Variants in TESMIN observed in about 807,000 individuals in gnomAD.
The protein encoded by TESMIN is testis expressed metallothionein like protein.
Under a neutral mutation model 47.4 loss-of-function variants are expected in TESMIN, and 34 were observed. The ratio of observed to expected loss-of-function variants is 0.72; its 90% confidence interval spans 0.55 to 0.96. The LOEUF is 0.96. TESMIN is among the 40% of genes least tolerant of loss of function. TESMIN has a pLI of 0.00. For synonymous variants in TESMIN, 278 were observed against 258.9 expected (o/e 1.07, Z -0.71); for missense variants, 610 against 637.2 (o/e 0.96, Z 0.46).
chr11:68,744,754 G>A, intron 4 of TESMIN: 1 of 311,758 alleles, frequency 3.2e-6, no homozygotes, highest in South Asian at 7.4e-5. Context: ...AAAGCTCTCA[G>A]CAGCTAGGTG....
intron 2 of TESMIN, 53 bp from the exon 3 acceptor site, chr11:68,747,419 G>A (rs1281040864): frequency 6.8e-7 from 1 of 1,474,608 alleles, no homozygotes; most frequent in East Asian, 2.3e-5. Context: ...ACTGGCTCTT[G>A]CAGTTGCATA....
downstream of TESMIN, among the ~76,000 whole-genome samples, chr11:68,706,227 G>A (rs1242061427): frequency 1.3e-5 from 2 of 152,154 alleles, no homozygotes; most frequent in South Asian, 2.1e-4. Context: ...CTGTATCTCG[G>A]CTTTCACTTC....
chr11:68,750,681 G>C lies in TESMIN; in HGVS notation c.-21C>G. The stretch of plus-strand genomic sequence containing the variant: ...TCCATGGCGCAGGGCGGCGGGGCGG[G>C]ATGGCGGGGGCCGCGCACCTGCAAC... On this transcript the variant is annotated 5_prime_UTR_variant, in exon 2 of 10. In the 5' UTR this introduces an upstream ATG that the reference lacks. Transcript: ENST00000255087. 6.8e-7 allele frequency: 1 copy of C among 1,465,150 alleles called. No individual in the cohort carries two copies. The allele number at this position is 1,465,150 out of a possible 1,614,324, so 90.8% of individuals were successfully genotyped here.
Position 68,745,011 on chromosome 11 carries a change from T to A in TESMIN, c.731A>T (p.Gln244Leu), listed in dbSNP as rs1946500654. 6.4e-7 allele frequency: 1 copy of A among 1,573,212 alleles called. No individual in the cohort carries two copies. The highest frequency in any genetic ancestry group is 1.2e-5 in the South Asian group (1 of 82,972). ...ALHLVPQYQD[Q>L]NNYLQSDVPK... ...TGTACCTGACTGTAGATAATTATTT[T>A]GATCTTGATACTGAGGAACCAAATG... The change falls in exon 4 of 10, where the codon CAA becomes CTA. Residue 244 changes from glutamine to leucine, a missense_variant. Coordinates refer to ENST00000255087, the MANE Select transcript of TESMIN (RefSeq NM_004923.3).
chr11:68,724,367 T>C (rs765375773), intron 6 of TESMIN, among the ~76,000 whole-genome samples: 4 of 152,166 alleles, frequency 2.6e-5, no homozygotes, highest in Non-Finnish European at 5.9e-5. Flanking sequence ...CTTAGGAAAC[T>C]AGGAATAGAA....
chr11:68,749,819 G>A (rs904588536), intron 2 of TESMIN, among the ~76,000 whole-genome samples: 1 of 152,130 alleles, frequency 6.6e-6, no homozygotes, highest in Non-Finnish European at 1.5e-5. Context: ...TGTTTTCACA[G>A]ACAATAGTTA....
chr11:68,744,964 A>C (rs2153993057), intron 4 of TESMIN, 27 bp downstream of exon 4: 1 of 1,496,788 alleles, frequency 6.7e-7, no homozygotes, highest in Non-Finnish European at 9.0e-7. Flanking sequence ...TATATGACAT[A>C]GTTTTTTTTA....
At chr11:68,709,075 A>G (rs28661353) in intron 9 of TESMIN, among the ~76,000 whole-genome samples, 1 of 92,614 alleles carries the variant, frequency 1.1e-5, no homozygotes. Flanking sequence ...AAAAAAAAAA[A>G]AAAGAAAGAA....
At chr11:68,745,788 G>C (rs539102874) in intron 3 of TESMIN, among the ~76,000 whole-genome samples, 2 of 152,182 alleles carry the variant, frequency 1.3e-5, no homozygotes, top group Non-Finnish European at 2.9e-5. Context: ...ATAAATAAAT[G>C]GTCGCAAGCC....
intron 4 of TESMIN, among the ~76,000 whole-genome samples, chr11:68,742,867 TC>T (rs1946473800): frequency 6.6e-6 from 1 of 151,918 alleles, no homozygotes; most frequent in African/African-American, 2.4e-5. Context: ...TTTTATGTTT[TC>T]TTTTTTTTTT....
At chr11:68,731,705 T>C (rs1442612849) in intron 6 of TESMIN, among the ~76,000 whole-genome samples, 1 of 152,248 alleles carries the variant, frequency 6.6e-6, no homozygotes, top group Non-Finnish European at 1.5e-5. Context: ...TTCCTTCACC[T>C]GAACCAAGTG....
At chr11:68,714,503 G>A (rs914480357) in intron 7 of TESMIN, among the ~76,000 whole-genome samples, 23 of 152,226 alleles carry the variant, frequency 1.5e-4, no homozygotes, top group African/African-American at 5.5e-4. Flanking sequence ...GAGGGCTTTA[G>A]GTTTGCCTAT....
rs761912367 is a variant in TESMIN at position 68,750,689 on chromosome 11, G to A, written c.-29C>T. 31 of 1,441,138 alleles carry A rather than the reference G, an allele frequency of 2.2e-5. No individual in the cohort carries two copies. The highest frequency in any genetic ancestry group is 2.7e-5 in the Non-Finnish European group (30 of 1,092,900). The allele number at this position is 1,441,138 out of a possible 1,614,324, so 89.3% of individuals were successfully genotyped here. ...GCAGGGCGGCGGGGCGGGATGGCGG[G>A]GGCCGCGCACCTGCAACACGCGGCC... On this transcript the variant is annotated 5_prime_UTR_variant, in exon 2 of 10. Coordinates refer to ENST00000255087, the MANE Select transcript of TESMIN (RefSeq NM_004923.3).
chr11:68,712,998 C>T (rs1946091070), intron 8 of TESMIN, among the ~76,000 whole-genome samples: 2 of 152,114 alleles, frequency 1.3e-5, no homozygotes, highest in South Asian at 4.1e-4. Context: ...GACAAAGCCA[C>T]GCAGAGGGCA....
chr11:68,730,505 A>T (rs1324356826), intron 6 of TESMIN, among the ~76,000 whole-genome samples: 1 of 152,232 alleles, frequency 6.6e-6, no homozygotes, highest in Non-Finnish European at 1.5e-5. Context: ...TAATTACTTT[A>T]AAAATCTGGC....
chr11:68,716,966 C>T (rs1052418728), intron 6 of TESMIN, among the ~76,000 whole-genome samples: 6 of 152,176 alleles, frequency 3.9e-5, no homozygotes, highest in African/African-American at 1.4e-4. Context: ...CCCCATGTGC[C>T]AGTCAGCTTT....
Position 68,735,442 on chromosome 11 carries a change from C to T in TESMIN, c.917+3258G>A, listed in dbSNP as rs150598049. Among the ~76,000 whole-genome samples the T allele has an allele frequency of 7.3e-4, 111 of 152,314 alleles. 3 individuals carry two copies. The East Asian group carries it at 0.015, about 20-fold the overall frequency. On this transcript the variant is annotated intron_variant, in intron 6 of 9. Transcript: ENST00000255087. ...AGGGTGACAGGCCCACGAGTATCTA[C>T]AGAGTCAGGAGGAGGCCGGCAGGCA...
At chr11:68,711,358 GTGGGGTT>G (rs1946068354) in intron 8 of TESMIN, among the ~76,000 whole-genome samples, 1 of 151,622 alleles carries the variant, frequency 6.6e-6, no homozygotes, top group Admixed American at 6.6e-5. Context: ...ATGAGTGTAT[GTGGGGTT>G]TGGGTATGTG....
intron 6 of TESMIN, chr11:68,737,785 C>A (rs577103266): frequency 1.3e-6 from 1 of 758,440 alleles, no homozygotes; most frequent in Non-Finnish European, 1.6e-6. Context: ...TAGTGGTATG[C>A]GCCTGTGGTC....
Sources: gnomAD v4.1 joint callset for allele counts (sites outside exome capture counted in the v4.1 genomes callset) on GRCh38, gnomAD v4.1.1 for gene constraint, MANE v1.5 for transcripts, NCBI Gene and HGNC (gene_info 2026-07-23, HGNC 2026-07-21) for gene names.